Variants in NLRC5 observed in about 807,000 individuals in gnomAD.
The protein encoded by NLRC5 is protein NLRC5.
A neutral mutation model predicts 206.9 loss-of-function variants in NLRC5; 114 were observed. The ratio of observed to expected loss-of-function variants is 0.55; its 90% confidence interval spans 0.47 to 0.64. The LOEUF (loss-of-function observed/expected upper bound fraction) is 0.64. Ranked by LOEUF, NLRC5 falls within the 30% of genes least tolerant of loss-of-function variation. The pLI, the probability that NLRC5 is intolerant of heterozygous loss-of-function variation, is 0.00. For missense variants in NLRC5, 2,008 were observed against 2,305.5 expected (o/e 0.87, Z 2.64); for synonymous variants, 952 against 962.8 (o/e 0.99, Z 0.21).
intron 40 of NLRC5, among the ~76,000 whole-genome samples, 184 bp downstream of exon 40, chr16:57,077,086 A>T (rs2068494059): frequency 6.6e-6 from 1 of 152,230 alleles, no homozygotes; most frequent in Non-Finnish European, 1.5e-5. Flanking sequence ...AAGAGTGTCA[A>T]TTGTAGCAAG....
chr16:57,031,548 A>T (rs942995625), intron 11 of NLRC5, 85 bp downstream of exon 11: 19 of 1,289,662 alleles, frequency 1.5e-5, no homozygotes, highest in Middle Eastern at 2.2e-4. Flanking sequence ...TGACCAAGAG[A>T]CTAGGAAGAG....
In NLRC5 at chr16:57,078,018, A is replaced by G. The variant is rs1275280705; in HGVS notation, c.5079A>G (p.Leu1693=). 1.9e-6 allele frequency: 3 copies of G among 1,596,274 alleles called. No homozygotes were observed. The highest frequency in any genetic ancestry group is 2.6e-6 in the Non-Finnish European group (3 of 1,167,908). Residue 1693 remains leucine (L), a splice_region_variant and synonymous_variant, in exon 43 of 49, where the codon CTA becomes CTG. Coordinates refer to ENST00000688547, the MANE Select transcript of NLRC5 (RefSeq NM_001384950.1). ...AQELPQHLRV[L]HLPFSHLGPG... ...AGCTGCCCCAGCACCTGAGGGTCCT[A>G]CAGTGAGTGGCCCCCTGCCCATACC...
intron 28 of NLRC5, 75 bp downstream of exon 28, chr16:57,058,223 C>T: frequency 8.2e-7 from 1 of 1,226,316 alleles, no homozygotes; most frequent in Non-Finnish European, 1.2e-6. Context: ...ATGGGGGCTC[C>T]TTCTGAGGGC....
chr16:57,047,324 A>G (rs899398294), intron 22 of NLRC5, among the ~76,000 whole-genome samples: 1 of 152,006 alleles, frequency 6.6e-6, no homozygotes, highest in African/African-American at 2.4e-5. Context: ...AGTCACTGAC[A>G]AGGGCAGCTG....
intron 23 of NLRC5, among the ~76,000 whole-genome samples, chr16:57,050,963 A>G (rs1409221090): frequency 6.6e-6 from 1 of 151,988 alleles, no homozygotes; most frequent in Non-Finnish European, 1.5e-5. Flanking sequence ...AGTGATTCCC[A>G]TGCCTCAGCC....
At position 57,076,737 on chromosome 16, in the gene NLRC5, C is replaced by T. The variant is rs1171762776; in HGVS notation, c.4752-82C>T. ...GAATTCCTGGGCGTGTAAGGCTTTGCAAACTGTAGAGTTCTTAGCACAGCA... is the reference window on the plus strand; with the variant it reads ...GAATTCCTGGGCGTGTAAGGCTTTGTAAACTGTAGAGTTCTTAGCACAGCA... On this transcript the variant is annotated intron_variant, in intron 39 of 48. Coordinates refer to ENST00000688547, the MANE Select transcript of NLRC5 (RefSeq NM_001384950.1). 3.7e-6 allele frequency: 5 copies of T among 1,340,326 alleles called. 1 individual carries two copies. Among genetic ancestry groups the T allele is most frequent in the Admixed American group, 1.7e-5 (1 of 58,928 alleles). 83.0% of individuals were successfully genotyped at this position (1,340,326 alleles called of 1,614,324 possible).
intron 20 of NLRC5, 37 bp from the exon 21 acceptor site, chr16:57,045,411 G>GACCATTTT: frequency 1.9e-6 from 3 of 1,613,504 alleles, no homozygotes; most frequent in Non-Finnish European, 2.5e-6. Context: ...GTTGGTCTTT[G>GACCATTTT]ACCATTTTCA....
rs758740455 is a variant in NLRC5 at position 57,047,610 on chromosome 16, C to T, written c.3404C>T (p.Pro1135Leu). The T allele has an allele frequency of 5.0e-6, 8 of 1,613,064 alleles. No individual in the cohort carries two copies. Among genetic ancestry groups the T allele is most frequent in the South Asian group, 2.2e-5 (2 of 90,798 alleles). ...TRLCATLKDC[P>L]GPLELQLSCE... Reference sequence around the variant, plus strand: ...CTCTGTGCCACTCTGAAGGACTGCCCGGGACCCCTGGAACTGCAGTAAGTA... The same window carrying T: ...CTCTGTGCCACTCTGAAGGACTGCCTGGGACCCCTGGAACTGCAGTAAGTA... Residue 1135 changes from proline (P) to leucine (L), a missense_variant, in exon 23 of 49, where the codon CCG (proline) becomes CTG (leucine). Pro to Leu is a moderately conservative substitution (Grantham distance 98). Coordinates refer to ENST00000688547, the MANE Select transcript of NLRC5 (RefSeq NM_001384950.1).
Position 57,025,873 on chromosome 16 carries a change from T to C in NLRC5, c.930T>C (p.Asp310=), listed in dbSNP as rs939141396. 5.6e-6 allele frequency: 9 copies of C among 1,614,248 alleles called. No individual in the cohort carries two copies. The highest frequency in any genetic ancestry group is 7.6e-6 in the Non-Finnish European group (9 of 1,180,038). ...TCCTGCTGATCTTTGATGGGCTAGA[T>C]GAGGCCCTCCAGCCTATGGGTCCTG... is the stretch of plus-strand genomic sequence containing the variant. ...DQVLLIFDGL[D]EALQPMGPDG... The change falls in exon 6 of 49, where the codon GAT becomes GAC. Residue 310 remains aspartate (D), a synonymous_variant. Transcript: ENST00000688547.
chr16:57,065,680 C>T (rs934847197), intron 33 of NLRC5, among the ~76,000 whole-genome samples: 32 of 152,216 alleles, frequency 2.1e-4, no homozygotes, highest in African/African-American at 7.2e-4. Flanking sequence ...TAGCATCCCA[C>T]TCAGCTATGT....
rs544211333 is a variant in NLRC5, at chr16:56,996,608, C to CA, written c.-128+6999dup. 9.2e-5 allele frequency among the ~76,000 whole-genome samples: 14 copies of CA among 151,752 alleles called. No individual in the cohort carries two copies. In the East Asian group the frequency reaches 2.7e-3, roughly 29 times the overall value. Reference sequence around the variant, plus strand: ...ATGGTGTTCTGGCTTTCAGATAAGTCAAAAAAAATCTCAAACATGAGTAAA... The same window carrying CA: ...ATGGTGTTCTGGCTTTCAGATAAGTCAAAAAAAAATCTCAAACATGAGTAAA... On this transcript the variant is annotated intron_variant, in intron 1 of 48. Transcript: ENST00000688547.
intron 14 of NLRC5, 56 bp from the exon 15 acceptor site, chr16:57,037,139 C>A: frequency 7.0e-7 from 1 of 1,434,200 alleles, no homozygotes; most frequent in Non-Finnish European, 9.8e-7. Flanking sequence ...CTAGAGCTGG[C>A]TGGGGCTGGG....
intron 32 of NLRC5, chr16:57,062,108 C>A: frequency 1.8e-6 from 2 of 1,114,378 alleles, no homozygotes; most frequent in Non-Finnish European, 2.4e-6. Context: ...CTAGGTTTGA[C>A]AGTTGTTCAT....
At chr16:57,013,891 T>C in intron 1 of NLRC5, 1 of 575,968 alleles carries the variant, frequency 1.7e-6, no homozygotes, top group East Asian at 3.4e-5. Flanking sequence ...TGATATCATA[T>C]GCAGATTCTA....
At chr16:56,998,282 A>G (rs891146655) in intron 1 of NLRC5, among the ~76,000 whole-genome samples, 6 of 152,064 alleles carry the variant, frequency 3.9e-5, no homozygotes, top group South Asian at 4.1e-4. Context: ...CAGAAAGTTA[A>G]ACTTTTTATA....
chr16:57,067,874 T>G, intron 36 of NLRC5, 46 bp downstream of exon 36: 3 of 1,423,110 alleles, frequency 2.1e-6, no homozygotes, highest in Non-Finnish European at 3.0e-6. Flanking sequence ...AGCTCTGCCC[T>G]GCCCTGACAC....
chr16:57,005,498 T>TA (rs10707313), intron 1 of NLRC5, among the ~76,000 whole-genome samples: 43 of 144,578 alleles, frequency 3.0e-4, no homozygotes, highest in African/African-American at 6.7e-4. Context: ...ATCTTAATAT[T>TA]AAAAAAAAAA....
At chr16:57,061,384 G>A in intron 30 of NLRC5, 64 bp from the exon 31 acceptor site, 1 of 1,516,030 alleles carries the variant, frequency 6.6e-7, no homozygotes. Context: ...GGGAGGCTGA[G>A]ATGAAGCTGA....
chr16:57,058,383 C>A, intron 28 of NLRC5: 1 of 538,210 alleles, frequency 1.9e-6, no homozygotes, highest in South Asian at 2.2e-5. Flanking sequence ...GGCTGTGATT[C>A]GTGGCAGGGT....
Sources: gnomAD v4.1 joint callset for allele counts (sites outside exome capture counted in the v4.1 genomes callset) on GRCh38, gnomAD v4.1.1 for gene constraint, MANE v1.5 for transcripts, NCBI Gene and HGNC (gene_info 2026-07-23, HGNC 2026-07-21) for gene names.